The following FSTL5 variants were observed in gnomAD, a reference collection of about 807,000 sequenced individuals.
FSTL5 encodes follistatin like 5.
FSTL5 carries 62 observed loss-of-function variants against 89.1 expected under a neutral mutation model. The observed-to-expected ratio is 0.70, with a 90% CI of 0.57 to 0.86. FSTL5 has a LOEUF of 0.86. FSTL5 is among the 40% of genes least tolerant of loss of function. FSTL5 has a pLI of 0.00. For missense variants in FSTL5, 1,057 were observed against 1,001.6 expected, an observed-to-expected ratio of 1.06 and a Z score of -0.75; for synonymous variants, 383 against 346.2, an observed-to-expected ratio of 1.11 and a Z score of -1.18.
At position 161,665,008 on chromosome 4, in the gene FSTL5, C is replaced by T. The variant is rs189892606; in HGVS notation, c.728-8514G>A. On this transcript the variant is annotated intron_variant, in intron 6 of 15. Coordinates refer to ENST00000306100, the MANE Select transcript of FSTL5 (RefSeq NM_020116.5). ...GGCCCCCGTGATTCAATTACCTCCC[C>T]CTGGGTCCCTCCCACAACACATGGG... 926 of 153,636 alleles carry T rather than the reference C, an allele frequency of 6.0e-3. 9 individuals carry two copies. The highest frequency in any genetic ancestry group is 0.045 in the South Asian group (220 of 4,890). The allele number at this position is 153,636 out of a possible 1,614,324, so 9.5% of individuals were successfully genotyped here.
chr4:161,877,070 G>C (rs1282632538), intron 4 of FSTL5, among the ~76,000 whole-genome samples: 1 of 151,226 alleles, frequency 6.6e-6, no homozygotes, highest in Non-Finnish European at 1.5e-5. Flanking sequence ...TGTAATCCCA[G>C]CTACTCGGGC....
At chr4:161,686,458 A>T (rs1479799047) in intron 6 of FSTL5, among the ~76,000 whole-genome samples, 1 of 140,508 alleles carries the variant, frequency 7.1e-6, no homozygotes, top group East Asian at 2.2e-4. Context: ...TCCCAGGTTC[A>T]TGCCATTCTC....
At chr4:162,144,079 T>C (rs1248286945) in intron 1 of FSTL5, among the ~76,000 whole-genome samples, 1 of 152,128 alleles carries the variant, frequency 6.6e-6, no homozygotes, top group Non-Finnish European at 1.5e-5. Context: ...AAAGCTTTAG[T>C]TATAGCACAG....
At chr4:161,558,545 A>G (rs1028915527) in intron 8 of FSTL5, among the ~76,000 whole-genome samples, 2 of 136,202 alleles carry the variant, frequency 1.5e-5, no homozygotes, top group Non-Finnish European at 1.7e-5. Flanking sequence ...GAACTCTCAA[A>G]ATGTTACTCT....
chr4:161,601,168 T>G (rs967198483), intron 7 of FSTL5, among the ~76,000 whole-genome samples: 1 of 151,998 alleles, frequency 6.6e-6, no homozygotes, highest in Non-Finnish European at 1.5e-5. Context: ...ACTTCACAAT[T>G]TGCTCTTCAG....
intron 1 of FSTL5, among the ~76,000 whole-genome samples, chr4:162,138,574 G>C (rs562983975): frequency 6.6e-6 from 1 of 152,012 alleles, no homozygotes; most frequent in Non-Finnish European, 1.5e-5. Flanking sequence ...AAGACCAGCA[G>C]CAAAGGAAAA....
intron 7 of FSTL5, 57 bp from the exon 8 acceptor site, chr4:161,587,632 C>T: frequency 7.0e-7 from 1 of 1,423,606 alleles, no homozygotes; most frequent in East Asian, 2.3e-5. Context: ...GTAACAATTT[C>T]AATTTTTAAA....
intron 15 of FSTL5, among the ~76,000 whole-genome samples, chr4:161,422,868 T>C (rs746568956): frequency 6.6e-6 from 1 of 152,184 alleles, no homozygotes; most frequent in African/African-American, 2.4e-5. Flanking sequence ...TACAGCATAA[T>C]ACAACCCAAT....
At chr4:161,551,984 A>G (rs1732233523) in intron 8 of FSTL5, among the ~76,000 whole-genome samples, 1 of 152,024 alleles carries the variant, frequency 6.6e-6, no homozygotes, top group Non-Finnish European at 1.5e-5. Flanking sequence ...AAATTGACAA[A>G]TGGGGTCTAA....
intron 7 of FSTL5, among the ~76,000 whole-genome samples, chr4:161,589,855 T>A (rs938294225): frequency 6.6e-6 from 1 of 151,862 alleles, no homozygotes; most frequent in African/African-American, 2.4e-5. Flanking sequence ...GAATCCCTAT[T>A]ATCTCATCTC....
At chr4:162,013,686 A>C (rs995541186) in intron 3 of FSTL5, among the ~76,000 whole-genome samples, 2 of 152,158 alleles carry the variant, frequency 1.3e-5, no homozygotes, top group African/African-American at 4.8e-5. Context: ...AGACATTAGT[A>C]AGCAATATTA....
intron 2 of FSTL5, among the ~76,000 whole-genome samples, chr4:162,065,249 C>T (rs534175565): frequency 3.3e-5 from 5 of 151,972 alleles, no homozygotes; most frequent in South Asian, 2.1e-4. Flanking sequence ...AAGGAAACAA[C>T]GACATTCAAA....
chr4:161,505,056 C>T (rs1730429794), intron 11 of FSTL5, among the ~76,000 whole-genome samples: 1 of 151,976 alleles, frequency 6.6e-6, no homozygotes, highest in Non-Finnish European at 1.5e-5. Flanking sequence ...AAAGGTATTT[C>T]AATAAATTAC....
intron 12 of FSTL5, among the ~76,000 whole-genome samples, chr4:161,484,008 A>T (rs531759997): frequency 6.6e-6 from 1 of 152,262 alleles, no homozygotes. Flanking sequence ...CATATGTATT[A>T]TACTTTCCCA....
rs184642002 is a variant in FSTL5 at position 161,426,281 on chromosome 4, T to C, written c.1841+28723A>G. On this transcript the variant is annotated intron_variant, in intron 15 of 15. Transcript: ENST00000306100. ...AAATTCTAATACCTAACCTCTAGAA[T>C]CTCAATATCTAAACAAGTGCAAAGA... Among the ~76,000 whole-genome samples the C allele has an allele frequency of 3.5e-4, 54 of 152,284 alleles. No homozygotes were observed. In the East Asian group the frequency reaches 5.2e-3, roughly 15 times the overall value.
intron 6 of FSTL5, among the ~76,000 whole-genome samples, chr4:161,739,075 T>A (rs2126769545): frequency 6.6e-6 from 1 of 152,364 alleles, no homozygotes; most frequent in African/African-American, 2.4e-5. Flanking sequence ...ATGTGACTAC[T>A]TGTGTTATGT....
chr4:161,693,936 C>A (rs1738046250), intron 6 of FSTL5, among the ~76,000 whole-genome samples: 1 of 151,930 alleles, frequency 6.6e-6, no homozygotes, highest in South Asian at 2.1e-4. Context: ...CTGTGCCCAG[C>A]CTTCTTGTAA....
chr4:161,955,834 A>G (rs567127491), intron 3 of FSTL5, among the ~76,000 whole-genome samples: 50 of 152,016 alleles, frequency 3.3e-4, no homozygotes, highest in African/African-American at 1.2e-3. Flanking sequence ...TGAGACAATT[A>G]GACGTTTTAA....
intron 8 of FSTL5, among the ~76,000 whole-genome samples, chr4:161,580,409 T>G (rs770434030): frequency 1.3e-5 from 2 of 152,156 alleles, no homozygotes; most frequent in Non-Finnish European, 2.9e-5. Flanking sequence ...AAAGCAGCTC[T>G]GAGAAAAGAC....
Sources: allele counts gnomAD v4.1 joint callset (sites outside exome capture counted in the v4.1 genomes callset), GRCh38; gene constraint gnomAD v4.1.1; transcripts MANE v1.5; gene names NCBI Gene and HGNC (gene_info 2026-07-23, HGNC 2026-07-21).